The following TALDO1 variants were observed in gnomAD, a reference collection of about 807,000 sequenced individuals.
TALDO1 encodes transaldolase.
In TALDO1, 29 loss-of-function variants were observed where a neutral mutation model predicts 38.1. The observed-to-expected ratio is 0.76, with a 90% confidence interval of 0.57 to 1.04. TALDO1 has a LOEUF of 1.04. Among genes scored for constraint, TALDO1 ranks in the 50% least tolerant of loss-of-function variants. TALDO1 has a pLI of 0.00. For missense variants in TALDO1, 499 were observed against 438.1 expected, an observed-to-expected ratio of 1.14 and a Z score of -1.24; for synonymous variants, 207 against 176.8, an observed-to-expected ratio of 1.17 and a Z score of -1.36.
chr11:758,110 C>T (rs761416132), intron 2 of TALDO1, among the ~76,000 whole-genome samples: 2 of 152,180 alleles, frequency 1.3e-5, no homozygotes, highest in African/African-American at 4.8e-5. Context: ...GGTGAAACCC[C>T]GTCTCCACCA....
In TALDO1 at chr11:754,531, G is replaced by A. The variant is rs146582287; in HGVS notation, c.98-1348G>A. ...CTGTCACCCAGGCTGGAGTGCAGTG[G>A]TGCAATCTCAGCTCATTGCAACCTC... is the stretch of plus-strand genomic sequence containing the variant. On this transcript the variant is annotated intron_variant, in intron 1 of 7. Coordinates refer to ENST00000319006, the MANE Select transcript of TALDO1 (RefSeq NM_006755.2). Among the ~76,000 whole-genome samples, 1,262 of 152,218 alleles carry A rather than the reference G, an allele frequency of 8.3e-3. 52 individuals are homozygous for A. The East Asian group carries it at 0.12, about 14-fold the overall frequency.
chr11:755,666 A>G, intron 1 of TALDO1: 1 of 636,652 alleles, frequency 1.6e-6, no homozygotes, highest in Non-Finnish European at 2.8e-6. Flanking sequence ...ATCGCTGGGC[A>G]CTTAGTGTTT....
chr11:751,761 C>G (rs1211063281), intron 1 of TALDO1, among the ~76,000 whole-genome samples: 2 of 152,066 alleles, frequency 1.3e-5, no homozygotes, highest in African/African-American at 4.8e-5. Context: ...CGCCACTGCA[C>G]TCTAGCCTGG....
At chr11:763,220 C>CTG in intron 4 of TALDO1, 124 bp from the exon 5 acceptor site, 2 of 99,838 alleles carry the variant, frequency 2.0e-5, no homozygotes, top group Non-Finnish European at 3.9e-5. Context: ...CCCTCACCTG[C>CTG]CCCCGCCCTC....
chr11:764,750 G>A, intron 7 of TALDO1, 63 bp from the exon 8 acceptor site: 1 of 1,613,056 alleles, frequency 6.2e-7, no homozygotes, highest in Non-Finnish European at 8.5e-7. Flanking sequence ...ATGGTGCCTT[G>A]TGAGGCTTCA....
chr11:759,103 C>A, intron 3 of TALDO1, 46 bp downstream of exon 3: 5 of 1,511,324 alleles, frequency 3.3e-6, no homozygotes, highest in Non-Finnish European at 4.6e-6. Flanking sequence ...CAGGTGTCCA[C>A]AGTTGCACAC....
chr11:753,416 A>G (rs996153468), intron 1 of TALDO1, among the ~76,000 whole-genome samples: 4 of 152,242 alleles, frequency 2.6e-5, no homozygotes, highest in African/African-American at 9.6e-5. Flanking sequence ...CTGTAGTCCC[A>G]GCTACTCGGG....
intron 3 of TALDO1, among the ~76,000 whole-genome samples, chr11:759,268 TTATTTA>T (rs1009646204): frequency 2.0e-5 from 3 of 152,126 alleles, no homozygotes; most frequent in Non-Finnish European, 4.4e-5. Flanking sequence ...ATTTTTATTT[TTATTTA>T]TTTTTGAGAT....
At position 759,199 on chromosome 11, in the gene TALDO1, C is replaced by T. The variant is rs1417671973; in HGVS notation, c.329+142C>T. 8 of 708,844 alleles carry T rather than the reference C, an allele frequency of 1.1e-5. No homozygotes were observed. In the Admixed American group the frequency reaches 1.7e-4, roughly 15 times the overall value. 43.9% of individuals were successfully genotyped at this position (708,844 alleles called of 1,614,324 possible). ...AGAGGAGGTTTATTTTGAGCTCTCC[C>T]ACAGTTGGTAGTGATGACCAAGAGC... On this transcript the variant is annotated intron_variant, in intron 3 of 7. Coordinates refer to ENST00000319006, the MANE Select transcript of TALDO1 (RefSeq NM_006755.2).
chr11:759,559 T>G (rs1564992685), intron 3 of TALDO1, among the ~76,000 whole-genome samples: 1 of 150,786 alleles, frequency 6.6e-6, no homozygotes, highest in Non-Finnish European at 1.5e-5. Context: ...TGTGCCCGGC[T>G]GCTAGTGTTT....
rs148197536 is a variant in TALDO1, at chr11:762,053, C to A, written c.462-1291C>A. On this transcript the variant is annotated intron_variant, in intron 4 of 7. Coordinates refer to ENST00000319006, the MANE Select transcript of TALDO1 (RefSeq NM_006755.2). ...CTATCTCAGCTCACTGCAACCTCCA[C>A]CTCTGGGGTTCAAGAGATTCTCCTG... Among the ~76,000 whole-genome samples the A allele has an allele frequency of 3.1e-3, 472 of 152,224 alleles. 4 individuals are homozygous for A. Among genetic ancestry groups the A allele is most frequent in the African/African-American group, 0.011 (441 of 41,536 alleles).
chr11:753,328 G>A (rs111507464), intron 1 of TALDO1, among the ~76,000 whole-genome samples: 99 of 151,866 alleles, frequency 6.5e-4, no homozygotes, highest in African/African-American at 2.3e-3. Flanking sequence ...TCAGGAGATC[G>A]AGACCATCCT....
At chr11:758,082 G>A (rs1168382072) in intron 2 of TALDO1, among the ~76,000 whole-genome samples, 3 of 152,222 alleles carry the variant, frequency 2.0e-5, no homozygotes, top group African/African-American at 7.2e-5. Context: ...AGGAGATCGA[G>A]ACCATCCTGG....
Position 763,454 on chromosome 11 carries a change from G to C in TALDO1, c.572G>C (p.Gly191Ala), listed in dbSNP as rs1442164336. 6.2e-7 allele frequency: 1 copy of C among 1,613,356 alleles called. No homozygotes were observed. The highest frequency in any genetic ancestry group is 8.5e-7 in the Non-Finnish European group (1 of 1,179,906). ...GTGACCCTCATCTCCCCATTTGTTGGGCGCATCCTTGATTGGCATGTGGCA... is the reference window on the plus strand; with the variant it reads ...GTGACCCTCATCTCCCCATTTGTTGCGCGCATCCTTGATTGGCATGTGGCA... The part of the protein sequence containing the change: ...AGVTLISPFV[G>A]RILDWHVANT... The change falls in exon 5 of 8, where the codon GGG becomes GCG. Residue 191 changes from glycine to alanine, a missense_variant. Transcript: ENST00000319006.
chr11:763,807 T>TC lies in TALDO1; in HGVS notation c.699dup (p.Met234HisfsTer18). 1.2e-6 allele frequency: 2 copies of TC among 1,614,088 alleles called. No homozygotes were observed. Among genetic ancestry groups the TC allele is most frequent in the Non-Finnish European group, 1.7e-6 (2 of 1,180,016 alleles). On this transcript the variant is annotated frameshift_variant, in exon 6 of 8. Transcript: ENST00000319006. LOFTEE classifies it high-confidence loss of function. Reference sequence around the variant, plus strand: ...AAGAAGTTTAGCTACAAAACCATTGTCATGGGCGCCTCCTTCCGCAACACG... The same window carrying TC: ...AAGAAGTTTAGCTACAAAACCATTGTCCATGGGCGCCTCCTTCCGCAACACG...
At chr11:749,284 T>G (rs2133567460) in intron 1 of TALDO1, among the ~76,000 whole-genome samples, 1 of 151,478 alleles carries the variant, frequency 6.6e-6, no homozygotes, top group Non-Finnish European at 1.5e-5. Flanking sequence ...ATGCTTGTAA[T>G]CCCAGCTACT....
At chr11:759,093 C>A in intron 3 of TALDO1, 36 bp downstream of exon 3, 2 of 1,558,928 alleles carry the variant, frequency 1.3e-6, no homozygotes, top group South Asian at 2.2e-5. Context: ...ATGGGCTGGT[C>A]AGGTGTCCAC....
chr11:750,481 C>T (rs1862730998), intron 1 of TALDO1, among the ~76,000 whole-genome samples: 1 of 150,738 alleles, frequency 6.6e-6, no homozygotes, highest in African/African-American at 2.4e-5. Flanking sequence ...AAGTGAGACC[C>T]TGTCTCAAAA....
At chr11:755,135 C>CTT (rs71022966) in intron 1 of TALDO1, among the ~76,000 whole-genome samples, 11 of 59,606 alleles carry the variant, frequency 1.8e-4, no homozygotes, top group Non-Finnish European at 2.3e-4. Context: ...TCCCCTTGGC[C>CTT]TTTTTTTTTT....
Sources: allele counts gnomAD v4.1 joint callset (sites outside exome capture counted in the v4.1 genomes callset), GRCh38; gene constraint gnomAD v4.1.1; transcripts MANE v1.5; gene names NCBI Gene and HGNC (gene_info 2026-07-23, HGNC 2026-07-21).